The following RAB40B variants were observed in gnomAD, a reference collection of about 807,000 sequenced individuals.
The protein encoded by RAB40B is ras-related protein Rab-40B.
Under a neutral mutation model 24.0 loss-of-function variants are expected in RAB40B, and 21 were observed. The observed-to-expected ratio is 0.88, with a 90% confidence interval of 0.62 to 1.26. RAB40B has a LOEUF of 1.26. Among genes scored for constraint, RAB40B ranks in the 50% most tolerant of loss-of-function variants. The pLI, the probability that RAB40B is intolerant of heterozygous loss-of-function variation, is 0.00. For synonymous variants in RAB40B, 167 were observed against 169.8 expected, an observed-to-expected ratio of 0.98 and a Z score of 0.13; for missense variants, 348 against 390.5, an observed-to-expected ratio of 0.89 and a Z score of 0.92.
At chr17:82,696,147 T>C (rs1212572446) in intron 1 of RAB40B, among the ~76,000 whole-genome samples, 1 of 152,082 alleles carries the variant, frequency 6.6e-6, no homozygotes, top group Non-Finnish European at 1.5e-5. Context: ...GGATTACAGG[T>C]GTGAGCCACC....
intron 1 of RAB40B, among the ~76,000 whole-genome samples, chr17:82,691,605 C>A (rs2046558574): frequency 6.6e-6 from 1 of 152,146 alleles, no homozygotes; most frequent in South Asian, 2.1e-4. Context: ...TCACTTGAAC[C>A]CAGGAGGCAG....
In RAB40B at chr17:82,677,478, C is replaced by G. The variant is rs545177723; in HGVS notation, c.143-12922G>C. Among the ~76,000 whole-genome samples the G allele has an allele frequency of 6.6e-5, 10 of 152,332 alleles. No individual in the cohort carries two copies. The East Asian group carries it at 1.3e-3, about 21-fold the overall frequency. ...GTGGCCCATCCTGCAGCGGCCAGCT[C>G]AACACACTCTGGCCCTTCCCTGATG... On this transcript the variant is annotated intron_variant, in intron 1 of 5. Coordinates refer to ENST00000571995, the MANE Select transcript of RAB40B (RefSeq NM_006822.3).
At chr17:82,660,040 G>A (rs908056777) in intron 3 of RAB40B, among the ~76,000 whole-genome samples, 5 of 152,228 alleles carry the variant, frequency 3.3e-5, no homozygotes, top group African/African-American at 7.2e-5. Flanking sequence ...ACAGATGCAC[G>A]CACACACAGT....
intron 2 of RAB40B, 30 bp from the exon 3 acceptor site, chr17:82,661,077 G>T (rs781143480): frequency 1.2e-6 from 2 of 1,612,352 alleles, no homozygotes; most frequent in Admixed American, 3.3e-5. Flanking sequence ...CCATTAAGAA[G>T]AAACCAGTGC....
intron 2 of RAB40B, chr17:82,662,175 T>A: frequency 4.1e-6 from 4 of 985,468 alleles, no homozygotes; most frequent in Non-Finnish European, 4.8e-6. Flanking sequence ...GAGAAGGGCC[T>A]GGGGCTCCAG....
chr17:82,695,301 C>T (rs557713905), intron 1 of RAB40B, among the ~76,000 whole-genome samples: 42 of 151,176 alleles, frequency 2.8e-4, no homozygotes, highest in Non-Finnish European at 5.6e-4. Flanking sequence ...CAGCGATTCT[C>T]CTGCCTCAGC....
chr17:82,662,217 C>G, intron 2 of RAB40B: 1 of 985,460 alleles, frequency 1.0e-6, no homozygotes, highest in Non-Finnish European at 1.2e-6. Context: ...ATTGCCAAAG[C>G]CTAGGAGTGA....
At chr17:82,687,676 G>A (rs1232141692) in intron 1 of RAB40B, among the ~76,000 whole-genome samples, 1 of 152,196 alleles carries the variant, frequency 6.6e-6, no homozygotes, top group African/African-American at 2.4e-5. Flanking sequence ...TTCTGTGAGA[G>A]GTGCTGGCAT....
intron 3 of RAB40B, 73 bp from the exon 4 acceptor site, chr17:82,659,730 A>G (rs2046137937): frequency 8.8e-7 from 1 of 1,138,250 alleles, no homozygotes; most frequent in Non-Finnish European, 1.3e-6. Flanking sequence ...ACGCAAAGAC[A>G]TACAACTAAA....
chr17:82,695,995 G>C (rs2046606317), intron 1 of RAB40B, among the ~76,000 whole-genome samples: 1 of 151,870 alleles, frequency 6.6e-6, no homozygotes, highest in Admixed American at 6.6e-5. Flanking sequence ...TCAGCCTCCC[G>C]AGTAGCTGGG....
chr17:82,662,050 C>T (rs2046181055), intron 2 of RAB40B: 4 of 985,320 alleles, frequency 4.1e-6, no homozygotes, highest in African/African-American at 3.5e-5. Context: ...CCCCAGTGGG[C>T]CAGGGGCTGG....
chr17:82,670,735 A>G (rs1219102646), intron 1 of RAB40B, among the ~76,000 whole-genome samples: 1 of 151,464 alleles, frequency 6.6e-6, no homozygotes, highest in Non-Finnish European at 1.5e-5. Flanking sequence ...GGGTTTTACC[A>G]TATTGGCCAG....
At chr17:82,681,402 C>T (rs1328101981) in intron 1 of RAB40B, among the ~76,000 whole-genome samples, 1 of 152,124 alleles carries the variant, frequency 6.6e-6, no homozygotes, top group African/African-American at 2.4e-5. Context: ...ATACAGGAAG[C>T]AGTAGTTAAC....
At chr17:82,662,252 T>C in intron 2 of RAB40B, 3 of 985,390 alleles carry the variant, frequency 3.0e-6, no homozygotes, top group Non-Finnish European at 3.6e-6. Context: ...GAGAAGCAAA[T>C]TGATCTAGAA....
chr17:82,661,890 A>G (rs76692969), intron 2 of RAB40B: 92 of 446,186 alleles, frequency 2.1e-4, no homozygotes, highest in Non-Finnish European at 2.3e-4. Context: ...CTGTCTCAGA[A>G]AAAAAAAAAA....
At chr17:82,688,277 T>C (rs1426813414) in intron 1 of RAB40B, among the ~76,000 whole-genome samples, 2 of 151,446 alleles carry the variant, frequency 1.3e-5, no homozygotes, top group Non-Finnish European at 2.9e-5. Context: ...AGTGCTGGGA[T>C]TACAGGTGTG....
At chr17:82,669,715 C>G (rs1024159329) in intron 1 of RAB40B, among the ~76,000 whole-genome samples, 1 of 152,150 alleles carries the variant, frequency 6.6e-6, no homozygotes. Context: ...GATAGTTCTA[C>G]TAGCCCCAGC....
Position 82,656,563 on chromosome 17 carries a change from T to TCTCTCCTCC in RAB40B, c.*1291_*1299dup, listed in dbSNP as rs1397615651. 6.6e-6 allele frequency: 1 copy of TCTCTCCTCC among 152,174 alleles called. No homozygotes were observed. Among genetic ancestry groups the TCTCTCCTCC allele is most frequent in the Admixed American group, 6.5e-5 (1 of 15,278 alleles). 9.4% of individuals were successfully genotyped at this position (152,174 alleles called of 1,614,324 possible). A position where few individuals can be genotyped will look rare whatever the true frequency, so the allele number is the denominator to read the frequency against. The stretch of plus-strand genomic sequence containing the variant: ...TGGGTGCCAGCTTTTAACTCTCCGC[T>TCTCTCCTCC]CTCTCCTCCTCTGCACTTCTGTTCC... On this transcript the variant is annotated 3_prime_UTR_variant, in exon 6 of 6. Transcript: ENST00000571995.
intron 1 of RAB40B, 105 bp from the exon 2 acceptor site, chr17:82,664,661 G>T: frequency 8.9e-7 from 1 of 1,120,464 alleles, no homozygotes; most frequent in Non-Finnish European, 1.3e-6. Context: ...GCAACTTCCA[G>T]GTTTACAAGG....
Sources: allele counts gnomAD v4.1 joint callset (sites outside exome capture counted in the v4.1 genomes callset), GRCh38; gene constraint gnomAD v4.1.1; transcripts MANE v1.5; gene names NCBI Gene and HGNC (gene_info 2026-07-23, HGNC 2026-07-21).